The following GOLGA2 variants were observed in gnomAD, a reference collection of about 807,000 sequenced individuals.
GOLGA2 encodes golgin subfamily A member 2.
In GOLGA2, 49 loss-of-function variants were observed where a neutral mutation model predicts 148.8. That is an observed-to-expected ratio of 0.33 (90% CI 0.26 to 0.42). The LOEUF is 0.42. GOLGA2 is among the 10% of genes least tolerant of loss of function. The pLI, the probability that GOLGA2 is intolerant of heterozygous loss-of-function variation, is 1.00. For synonymous variants in GOLGA2, 501 were observed against 511.8 expected, an observed-to-expected ratio of 0.98 and a Z score of 0.28; for missense variants, 1,178 against 1,304.6, an observed-to-expected ratio of 0.90 and a Z score of 1.49.
At chr9:128,263,361 C>T (rs1333484398) in intron 12 of GOLGA2, among the ~76,000 whole-genome samples, 2 of 152,200 alleles carry the variant, frequency 1.3e-5, no homozygotes, top group Non-Finnish European at 1.5e-5. Context: ...AGTGACTCTC[C>T]TGCCTCAGCC....
At chr9:128,275,313 C>T (rs1831250424) in intron 1 of GOLGA2, 2 of 923,728 alleles carry the variant, frequency 2.2e-6, no homozygotes, top group Non-Finnish European at 3.0e-6. Flanking sequence ...AGACTGGTCT[C>T]GCGCAACTAA....
Position 128,262,622 on chromosome 9 carries a change from G to T in GOLGA2, c.1075C>A (p.Gln359Lys). The T allele has an allele frequency of 6.2e-7, 1 of 1,613,834 alleles. No individual in the cohort carries two copies. Among genetic ancestry groups the T allele is most frequent in the Non-Finnish European group, 8.5e-7 (1 of 1,179,690 alleles). ...RVLVTEKAGM[Q>K]LNLEELQKKL... Reference sequence around the variant, plus strand: ...TTTTGCAATTCTTCCAAGTTAAGCTGCATGCCAGCCTTCTCAGTCACTAGG... The same window carrying T: ...TTTTGCAATTCTTCCAAGTTAAGCTTCATGCCAGCCTTCTCAGTCACTAGG... Residue 359 changes from glutamine (Q) to lysine (K), a missense_variant, in exon 14 of 27, where the codon CAG (glutamine) becomes AAG (lysine). Physicochemically the swap from Gln to Lys is moderately conservative, Grantham distance 53 (BLOSUM62 1). This residue lies in a region of GOLGA2 where 304 missense variants were observed against 404.1 expected (regional missense o/e 0.75). Transcript: ENST00000611957.
At position 128,257,134 on chromosome 9, in the gene GOLGA2, C is replaced by T; in HGVS notation, c.3023G>A (p.Ser1008Asn). 6.2e-7 allele frequency: 1 copy of T among 1,614,158 alleles called. No individual in the cohort carries two copies. The highest frequency in any genetic ancestry group is 1.1e-5 in the South Asian group (1 of 91,084). The change falls in exon 27 of 27, where the codon AGC (serine) becomes AAC (asparagine). Residue 1008 changes from serine (S) to asparagine (N), a missense_variant. This residue lies in a region of GOLGA2 where 149 missense variants were observed against 154.9 expected (regional missense o/e 0.96). Coordinates refer to ENST00000611957, the MANE Select transcript of GOLGA2 (RefSeq NM_001366244.2). The surrounding 1 kb of genome is among the most constrained non-coding windows in gnomAD (Gnocchi z 8.0). ...GTAAAAAAAAGGAATGCAGGGGTTGCTGCCCAAGCCTGGGCGCTCCCGGGG... is the reference window on the plus strand; with the variant it reads ...GTAAAAAAAAGGAATGCAGGGGTTGTTGCCCAAGCCTGGGCGCTCCCGGGG... ...QNPRERPGLG[S>N]NPCIPFFYRA...
chr9:128,273,231 G>A (rs1281775150), intron 2 of GOLGA2, among the ~76,000 whole-genome samples: 1 of 152,142 alleles, frequency 6.6e-6, no homozygotes, highest in Non-Finnish European at 1.5e-5. Context: ...TCTGAGTAAG[G>A]GTTCACTTGA....
chr9:128,257,157 G>A lies in GOLGA2; in HGVS notation c.3000C>T (p.Pro1000=), dbSNP rs375703850. 6.2e-7 allele frequency: 1 copy of A among 1,614,082 alleles called. No individual in the cohort carries two copies. The highest frequency in any genetic ancestry group is 8.5e-7 in the Non-Finnish European group (1 of 1,180,040). ...TGCTGCCCAAGCCTGGGCGCTCCCG[G>A]GGGTTCTGCATCTCACGAAGCAGCT... is the stretch of plus-strand genomic sequence containing the variant. The part of the protein sequence containing the change: ...IMQLLREMQN[P]RERPGLGSNP... Residue 1000 remains proline, a synonymous_variant, in exon 27 of 27, where the codon CCC becomes CCT. Coordinates refer to ENST00000611957, the MANE Select transcript of GOLGA2 (RefSeq NM_001366244.2). The surrounding 1 kb of genome is among the most constrained non-coding windows in gnomAD (Gnocchi z 8.0).
Position 128,257,475 on chromosome 9 carries a change from G to A in GOLGA2, c.2769C>T (p.Arg923=). 6.2e-7 allele frequency: 1 copy of A among 1,613,376 alleles called. No individual in the cohort carries two copies. The highest frequency in any genetic ancestry group is 8.5e-7 in the Non-Finnish European group (1 of 1,179,988). Reference sequence around the variant, plus strand: ...CCAGGAATCTGCCATGCCACTCGTTGCGGTCGCCCACAAGCCGTAAGACCA... The same window carrying A: ...CCAGGAATCTGCCATGCCACTCGTTACGGTCGCCCACAAGCCGTAAGACCA... ...QELVLRLVGD[R]NEWHGRFLAA... The change falls in exon 26 of 27, where the codon CGC becomes CGT. Residue 923 remains arginine (R), a synonymous_variant. Coordinates refer to ENST00000611957, the MANE Select transcript of GOLGA2 (RefSeq NM_001366244.2). This position sits in a 1 kb window ranked among gnomAD's most constrained non-coding sequence, Gnocchi z 8.0.
rs1829905220 is a variant in GOLGA2, at chr9:128,256,995, G to T, written c.*72C>A. 1.8e-6 allele frequency: 2 copies of T among 1,132,468 alleles called. No individual in the cohort carries two copies. Among genetic ancestry groups the T allele is most frequent in the South Asian group, 1.4e-5 (1 of 72,748 alleles). 70.2% of individuals were successfully genotyped at this position (1,132,468 alleles called of 1,614,324 possible). On this transcript the variant is annotated 3_prime_UTR_variant, in exon 27 of 27. Transcript: ENST00000611957. The stretch of plus-strand genomic sequence containing the variant: ...TAAGGGTAAAGGGTTGACTGAGAAG[G>T]GATGGTAGGGATATGGTGGGGGCAG...
Position 128,263,567 on chromosome 9 carries a change from G to A in GOLGA2, c.934-475C>T, listed in dbSNP as rs1376044730. On this transcript the variant is annotated intron_variant, in intron 12 of 26. Coordinates refer to ENST00000611957, the MANE Select transcript of GOLGA2 (RefSeq NM_001366244.2). ...TAAGTAGCTGGGACTACAGGCCCCC[G>A]CCACCACACCCGGCTAATTTTTTTG... Among the ~76,000 whole-genome samples, 4 of 152,080 alleles carry A rather than the reference G, an allele frequency of 2.6e-5. No individual in the cohort carries two copies. The East Asian group carries it at 5.8e-4, about 22-fold the overall frequency.
At chr9:128,275,155 A>G (rs1410961312) in intron 1 of GOLGA2, among the ~76,000 whole-genome samples, 6 of 152,114 alleles carry the variant, frequency 3.9e-5, no homozygotes, top group Non-Finnish European at 8.8e-5. Context: ...CACACTGTCA[A>G]TGTCTATGTT....
intron 6 of GOLGA2, 31 bp downstream of exon 6, chr9:128,267,899 CCCCA>C: frequency 2.0e-6 from 3 of 1,523,206 alleles, no homozygotes; most frequent in Non-Finnish European, 2.7e-6. Flanking sequence ...GTTCCCTTCC[CCCCA>C]CCCCGCTCTC....
At chr9:128,267,306 G>C in intron 7 of GOLGA2, 32 bp from the exon 8 acceptor site, 1 of 1,513,462 alleles carries the variant, frequency 6.6e-7, no homozygotes, top group South Asian at 1.1e-5. Flanking sequence ...GGAGTTGGAG[G>C]AGGATTGGGG....
At position 128,257,697 on chromosome 9, in the gene GOLGA2, A is replaced by G. The variant is rs750914464; in HGVS notation, c.2622T>C (p.Ile874=). The change falls in exon 25 of 27, where the codon ATT becomes ATC. Residue 874 remains isoleucine (I), a synonymous_variant. Coordinates refer to ENST00000611957, the MANE Select transcript of GOLGA2 (RefSeq NM_001366244.2). This position sits in a 1 kb window ranked among gnomAD's most constrained non-coding sequence, Gnocchi z 8.0. ...CTGCCCTCTGGCTCTGGTACAGTGC[A>G]ATGTACTCTCCTGCGGGAGGACAGG... ...SGETDTIGEY[I]ALYQSQRAVL... The G allele has an allele frequency of 1.9e-6, 3 of 1,613,770 alleles. No individual in the cohort carries two copies. Among genetic ancestry groups the G allele is most frequent in the Non-Finnish European group, 2.5e-6 (3 of 1,179,760 alleles).
chr9:128,259,431 G>T, intron 19 of GOLGA2, 40 bp from the exon 20 acceptor site: 1 of 1,319,202 alleles, frequency 7.6e-7, no homozygotes, highest in Non-Finnish European at 1.1e-6. Context: ...GTGGTGGCCT[G>T]CTTCCAGATT....
chr9:128,257,900 C>A lies in GOLGA2; in HGVS notation c.2509-8G>T. 1 of 1,613,562 alleles carries A rather than the reference C, an allele frequency of 6.2e-7. No individual in the cohort carries two copies. The highest frequency in any genetic ancestry group is 8.5e-7 in the Non-Finnish European group (1 of 1,179,474). On this transcript the variant is annotated splice_polypyrimidine_tract_variant and splice_region_variant and intron_variant, in intron 23 of 26. Coordinates refer to ENST00000611957, the MANE Select transcript of GOLGA2 (RefSeq NM_001366244.2). The surrounding 1 kb of genome is among the most constrained non-coding windows in gnomAD (Gnocchi z 8.0). Reference sequence around the variant, plus strand: ...GAGCTCCATAAAGCGGCTCTGGAACCAAAATAATGGAGTCATATATCGGCA... The same window carrying A: ...GAGCTCCATAAAGCGGCTCTGGAACAAAAATAATGGAGTCATATATCGGCA...
At chr9:128,272,734 C>T (rs1393130152) in intron 3 of GOLGA2, 51 bp downstream of exon 3, 10 of 578,448 alleles carry the variant, frequency 1.7e-5, no homozygotes, top group Non-Finnish European at 2.4e-5. Context: ...GCCTCAGGGG[C>T]ATGCACAGCT....
In GOLGA2 at chr9:128,275,930, T is replaced by C. The variant is rs1588497717; in HGVS notation, c.47A>G (p.Glu16Gly). ...TGCGGCCAATTTGCTCTGTCGGGTT[T>C]CTTCCGACATCGCGGGGCGGGGAGG... ...RLPPRPAMSE[E>G]TRQSKLAAAK... Residue 16 changes from glutamate to glycine, a missense_variant, in exon 1 of 27, where the codon GAA (glutamate) becomes GGA (glycine). This residue lies in a region of GOLGA2 where 158 missense variants were observed against 156.6 expected (regional missense o/e 1.01). Transcript: ENST00000611957. 1 of 1,593,140 alleles carries C rather than the reference T, an allele frequency of 6.3e-7. No individual in the cohort carries two copies. The highest frequency in any genetic ancestry group is 2.3e-5 in the East Asian group (1 of 44,276).
chr9:128,260,698 G>A lies in GOLGA2; in HGVS notation c.1525C>T (p.Gln509Ter). ...LRKELEGLAG[Q>*]LQAQVQDNEG... is the part of the protein sequence containing the mutation. ...TTGTCTTGCACCTGGGCTTGAAGCT[G>A]TCCTGCCAGACCCTCCAGCTCCTTC... The change falls in exon 18 of 27, where the codon CAG becomes TAG. Residue 509 changes from glutamine to a stop codon, truncating the protein, a stop_gained. Transcript: ENST00000611957. LOFTEE classifies it high-confidence loss of function. This position sits in a 1 kb window ranked among gnomAD's most constrained non-coding sequence, Gnocchi z 4.8. The A allele has an allele frequency of 6.2e-7, 1 of 1,613,456 alleles. No homozygotes were observed. The highest frequency in any genetic ancestry group is 8.5e-7 in the Non-Finnish European group (1 of 1,179,928).
chr9:128,258,702 T>C lies in GOLGA2; in HGVS notation c.2174-132A>G. 1.4e-6 allele frequency: 1 copy of C among 690,358 alleles called. No homozygotes were observed. Among genetic ancestry groups the C allele is most frequent in the Non-Finnish European group, 2.4e-6 (1 of 414,548 alleles). The allele number at this position is 690,358 out of a possible 1,614,324, so 42.8% of individuals were successfully genotyped here. On this transcript the variant is annotated intron_variant, in intron 21 of 26. Transcript: ENST00000611957. This position sits in a 1 kb window ranked among gnomAD's most constrained non-coding sequence, Gnocchi z 6.6. ...GGAAATAAGCATCTGTTCTTTATTTTTATTTTATTCTTTTTTAAGAGCCAA... is the reference window on the plus strand; with the variant it reads ...GGAAATAAGCATCTGTTCTTTATTTCTATTTTATTCTTTTTTAAGAGCCAA...
intron 3 of GOLGA2, among the ~76,000 whole-genome samples, chr9:128,270,269 T>G (rs1158986961): frequency 6.6e-6 from 1 of 151,304 alleles, no homozygotes; most frequent in East Asian, 2.0e-4. Flanking sequence ...GCAGCTGGGA[T>G]TATAGGTGCA....
Sources: gnomAD v4.1 joint callset for allele counts (sites outside exome capture counted in the v4.1 genomes callset) on GRCh38, gnomAD v4.1.1 for gene constraint, gnomAD v4.1.1 regional missense constraint, Gnocchi (gnomAD v3.1) non-coding constraint, MANE v1.5 for transcripts, NCBI Gene and HGNC (gene_info 2026-07-23, HGNC 2026-07-21) for gene names.